Variants in RALGAPA2 observed in about 807,000 individuals in gnomAD.
RALGAPA2 encodes Ral GTPase activating protein catalytic subunit alpha 2.
Under a neutral mutation model 230.4 loss-of-function variants are expected in RALGAPA2, and 139 were observed. The observed-to-expected ratio is 0.60, with a 90% CI of 0.53 to 0.69. RALGAPA2 has a LOEUF of 0.69. Among genes scored for constraint, RALGAPA2 ranks in the 30% least tolerant of loss-of-function variants. RALGAPA2 has a pLI of 0.00. For synonymous variants in RALGAPA2, 847 were observed against 837.8 expected (o/e 1.01, Z -0.19); for missense variants, 2,163 against 2,276.0 (o/e 0.95, Z 1.01).
At chr20:20,617,246 C>T (rs543440657) in intron 12 of RALGAPA2, among the ~76,000 whole-genome samples, 5 of 152,134 alleles carry the variant, frequency 3.3e-5, no homozygotes, top group East Asian at 1.9e-4. Context: ...TACAATCTGA[C>T]GAAATTAAAA....
chr20:20,449,214 T>C (rs995182082), intron 37 of RALGAPA2, among the ~76,000 whole-genome samples: 2 of 152,196 alleles, frequency 1.3e-5, no homozygotes, highest in East Asian at 1.9e-4. Context: ...AGCTGGATTA[T>C]AGGGCAACAA....
At chr20:20,594,342 AT>A in intron 16 of RALGAPA2, among the ~76,000 whole-genome samples, 1 of 152,202 alleles carries the variant, frequency 6.6e-6, no homozygotes, top group South Asian at 2.1e-4. Flanking sequence ...CTGGCATTTT[AT>A]TTAAGAAAGA....
chr20:20,473,966 T>C (rs565199538), intron 36 of RALGAPA2, among the ~76,000 whole-genome samples: 18 of 152,328 alleles, frequency 1.2e-4, no homozygotes, highest in South Asian at 1.0e-3. Flanking sequence ...CAAAAATCCC[T>C]GAATTTATTG....
chr20:20,487,912 G>GAAA (rs79112449), intron 36 of RALGAPA2, among the ~76,000 whole-genome samples: 4 of 109,814 alleles, frequency 3.6e-5, no homozygotes, highest in East Asian at 5.1e-4. Flanking sequence ...ACTCGGTCTC[G>GAAA]AAAAAAAAAA....
intron 31 of RALGAPA2, among the ~76,000 whole-genome samples, chr20:20,517,145 T>A (rs2062898164): frequency 1.3e-5 from 2 of 152,170 alleles, no homozygotes; most frequent in Non-Finnish European, 2.9e-5. Context: ...GGTGGCTGCA[T>A]CCTCACAGAA....
intron 12 of RALGAPA2, among the ~76,000 whole-genome samples, chr20:20,617,538 A>C (rs2066187062): frequency 6.6e-6 from 1 of 152,216 alleles, no homozygotes; most frequent in Non-Finnish European, 1.5e-5. Context: ...CTTTTAATTC[A>C]ATGTATTTGG....
At chr20:20,595,236 A>G (rs749661040) in intron 16 of RALGAPA2, among the ~76,000 whole-genome samples, 41 of 152,138 alleles carry the variant, frequency 2.7e-4, no homozygotes, top group Non-Finnish European at 4.6e-4. Flanking sequence ...TAGTAAGTGG[A>G]GTGAGGCTCA....
At chr20:20,481,477 A>C (rs1241337497) in intron 36 of RALGAPA2, among the ~76,000 whole-genome samples, 1 of 152,162 alleles carries the variant, frequency 6.6e-6, no homozygotes, top group Non-Finnish European at 1.5e-5. Context: ...GGCTTAACTT[A>C]CCCAGTTTGG....
intron 38 of RALGAPA2, among the ~76,000 whole-genome samples, chr20:20,403,573 G>A (rs1304164822): frequency 1.3e-5 from 2 of 152,162 alleles, no homozygotes; most frequent in Admixed American, 6.5e-5. Context: ...ACTCTCACAT[G>A]TGATGCTGTT....
chr20:20,535,364 A>C (rs555982689), intron 26 of RALGAPA2, among the ~76,000 whole-genome samples: 1 of 152,312 alleles, frequency 6.6e-6, no homozygotes, highest in African/African-American at 2.4e-5. Context: ...GACACTGCCA[A>C]ATGTCTCCTG....
intron 23 of RALGAPA2, among the ~76,000 whole-genome samples, chr20:20,568,350 A>C (rs910175899): frequency 2.6e-5 from 4 of 152,222 alleles, no homozygotes; most frequent in African/African-American, 9.6e-5. Flanking sequence ...AGTATTACAT[A>C]AGTTATTAGG....
chr20:20,414,963 A>G (rs1385132462), intron 37 of RALGAPA2, among the ~76,000 whole-genome samples: 1 of 152,272 alleles, frequency 6.6e-6, no homozygotes, highest in East Asian at 1.9e-4. Context: ...GGCCCAAGCC[A>G]GGGCATGTAA....
intron 20 of RALGAPA2, among the ~76,000 whole-genome samples, chr20:20,575,513 T>C (rs2064791364): frequency 6.6e-6 from 1 of 151,880 alleles, no homozygotes. Context: ...CACTCAGACG[T>C]GTTGGTGACT....
At chr20:20,551,130 A>G (rs1163050032) in intron 23 of RALGAPA2, among the ~76,000 whole-genome samples, 2 of 152,236 alleles carry the variant, frequency 1.3e-5, no homozygotes, top group African/African-American at 4.8e-5. Flanking sequence ...GAAAATTATC[A>G]TTTTAGATTT....
At chr20:20,675,587 C>A (rs1168478021) in intron 3 of RALGAPA2, among the ~76,000 whole-genome samples, 1 of 152,154 alleles carries the variant, frequency 6.6e-6, no homozygotes, top group African/African-American at 2.4e-5. Context: ...TCTCCAGGTA[C>A]CCGTAATCTG....
At chr20:20,567,692 T>C (rs540280724) in intron 23 of RALGAPA2, among the ~76,000 whole-genome samples, 2 of 151,880 alleles carry the variant, frequency 1.3e-5, no homozygotes, top group African/African-American at 2.4e-5. Context: ...TTTCATTATT[T>C]ATAAAATGGG....
intron 13 of RALGAPA2, among the ~76,000 whole-genome samples, chr20:20,612,236 C>T (rs192026619): frequency 2.0e-5 from 3 of 152,252 alleles, no homozygotes; most frequent in East Asian, 1.9e-4. Context: ...TTTTCTTTCC[C>T]TAGATTCTAT....
chr20:20,394,058 CAG>C (rs1395598722), intron 39 of RALGAPA2, among the ~76,000 whole-genome samples: 2 of 152,220 alleles, frequency 1.3e-5, no homozygotes. Flanking sequence ...ACCTCAGAAG[CAG>C]AGTTTCCACA....
At chr20:20,646,899 T>TC (rs895494294) in intron 4 of RALGAPA2, among the ~76,000 whole-genome samples, 1 of 5,186 alleles carries the variant, frequency 1.9e-4, no homozygotes, top group African/African-American at 5.5e-4. Context: ...TATGTACTTT[T>TC]AATTTTTTTT....
Sources: allele counts gnomAD v4.1 joint callset (sites outside exome capture counted in the v4.1 genomes callset), GRCh38; gene constraint gnomAD v4.1.1; transcripts MANE v1.5; gene names NCBI Gene and HGNC (gene_info 2026-07-23, HGNC 2026-07-21).